The following ZNF44 variants were observed in gnomAD, a reference collection of about 807,000 sequenced individuals.
ZNF44 encodes the protein zinc finger protein 44, also known as gonadotropin inducible transcription repressor-2.
In ZNF44, 9 loss-of-function variants were observed where a neutral mutation model predicts 11.7. That is an observed-to-expected ratio of 0.77 (90% confidence interval 0.46 to 1.35). The LOEUF is 1.35. Ranked by LOEUF, ZNF44 falls within the 40% of genes most tolerant of loss-of-function variation. The pLI is 0.00. For missense variants in ZNF44, 696 were observed against 743.1 expected, an observed-to-expected ratio of 0.94 and a Z score of 0.74; for synonymous variants, 224 against 242.7, an observed-to-expected ratio of 0.92 and a Z score of 0.72.
At chr19:12,264,217 C>A (rs1388621771) in intron 5 of ZNF44, among the ~76,000 whole-genome samples, 1 of 152,236 alleles carries the variant, frequency 6.6e-6, no homozygotes, top group African/African-American at 2.4e-5. Flanking sequence ...TTTTCCAATG[C>A]TCAGTTTCTG....
chr19:12,268,300 G>A (rs1917818532), downstream of ZNF44, among the ~76,000 whole-genome samples: 1 of 152,072 alleles, frequency 6.6e-6, no homozygotes, highest in Admixed American at 6.6e-5. Flanking sequence ...AAAGGTCTCA[G>A]TTCATCTTTC....
intron 5 of ZNF44, among the ~76,000 whole-genome samples, chr19:12,266,459 G>C (rs1260807883): frequency 3.3e-5 from 5 of 152,170 alleles, no homozygotes; most frequent in Non-Finnish European, 7.4e-5. Context: ...GCGTCGCCCC[G>C]CCTGCTGCCC....
chr19:12,282,165 T>C (rs996743588), intron 1 of ZNF44, among the ~76,000 whole-genome samples: 8 of 152,138 alleles, frequency 5.3e-5, no homozygotes, highest in South Asian at 4.1e-4. Flanking sequence ...CTGCTTGATA[T>C]TGGACTTTCA....
downstream of ZNF44, among the ~76,000 whole-genome samples, chr19:12,243,953 T>G (rs1413026969): frequency 6.6e-6 from 1 of 152,150 alleles, no homozygotes; most frequent in Non-Finnish European, 1.5e-5. Context: ...TTTGTATGTC[T>G]TCTTTGAAAA....
Position 12,273,952 on chromosome 19 carries a change from A to G in ZNF44, c.303T>C (p.Asp101=), listed in dbSNP as rs1967099618. ...CTCCATTCACACTGCTTCCACATGC[A>G]TCTACTCTGGCGGGAGTGTTCTTGT... is the stretch of plus-strand genomic sequence containing the variant. ...IVNKNTPARV[D]ACGSSVNGEV... is the part of the protein sequence containing the mutation. Residue 101 remains aspartate (D), a synonymous_variant, in exon 4 of 4, where the codon GAT becomes GAC. Transcript: ENST00000355684. 6.2e-7 allele frequency: 1 copy of G among 1,614,166 alleles called. No individual in the cohort carries two copies. The highest frequency in any genetic ancestry group is 8.5e-7 in the Non-Finnish European group (1 of 1,180,040).
rs760633997 is a variant in ZNF44, at chr19:12,273,093, T to C, written c.1162A>G (p.Thr388Ala). The C allele has an allele frequency of 1.3e-5, 21 of 1,614,062 alleles. No homozygotes were observed. In the African/African-American group the frequency reaches 1.7e-4, roughly 13 times the overall value. ...SSFRRHMMAH[T>A]GDGPHKCTVC... ...GTGCATTTATGAGGGCCATCTCCAG[T>C]GTGTGCCATCATGTGTCTTCGAAAG... The change falls in exon 4 of 4, where the codon ACT becomes GCT. Residue 388 changes from threonine to alanine, a missense_variant. Transcript: ENST00000355684.
At chr19:12,290,798 C>T (rs1355613464) in intron 1 of ZNF44, among the ~76,000 whole-genome samples, 1 of 152,194 alleles carries the variant, frequency 6.6e-6, no homozygotes, top group Admixed American at 6.5e-5. Flanking sequence ...GCAGGGGAGG[C>T]TCCCCAGGAA....
chr19:12,271,037 G>GTGA (rs112180662), downstream of ZNF44, among the ~76,000 whole-genome samples: 31,162 of 151,056 alleles, frequency 0.21, 4,116 homozygotes, highest in African/African-American at 0.39. Flanking sequence ...TCCTCTACAA[G>GTGA]TGATGATGAT....
At chr19:12,264,231 G>A (rs1024415650) in intron 5 of ZNF44, among the ~76,000 whole-genome samples, 112 of 152,338 alleles carry the variant, frequency 7.4e-4, no homozygotes, top group African/African-American at 2.6e-3. Flanking sequence ...GTTTCTGTCA[G>A]TACCAAAGGG....
intron 1 of ZNF44, chr19:12,293,081 G>C (rs1968086648): frequency 1.3e-6 from 1 of 775,600 alleles, no homozygotes; most frequent in Non-Finnish European, 1.9e-6. Context: ...TGTTGGCCAG[G>C]GTGGTCTTGA....
chr19:12,294,828 G>A lies in ZNF44; in HGVS notation c.-134C>T, dbSNP rs1386196424. On this transcript the variant is annotated 5_prime_UTR_variant, in exon 1 of 4. Transcript: ENST00000355684. ...ACGGAACAGAGGTCACCAGGGTGAAGAGGCCACTAGCTCCTGGAACGTCAC... is the reference window on the plus strand; with the variant it reads ...ACGGAACAGAGGTCACCAGGGTGAAAAGGCCACTAGCTCCTGGAACGTCAC... 3.9e-6 allele frequency: 4 copies of A among 1,024,280 alleles called. No homozygotes were observed. Among genetic ancestry groups the A allele is most frequent in the South Asian group, 1.8e-5 (1 of 56,366 alleles). 63.4% of individuals were successfully genotyped at this position (1,024,280 alleles called of 1,614,324 possible).
chr19:12,278,359 T>C (rs189455685), intron 1 of ZNF44, among the ~76,000 whole-genome samples: 172 of 152,336 alleles, frequency 1.1e-3, no homozygotes, highest in African/African-American at 4.0e-3. Context: ...GGTAAAACTC[T>C]GTTTGTGGCT....
At chr19:12,258,991 C>T (rs1568433285) in intron 5 of ZNF44, among the ~76,000 whole-genome samples, 1 of 152,088 alleles carries the variant, frequency 6.6e-6, no homozygotes, top group Non-Finnish European at 1.5e-5. Flanking sequence ...CCTCCCACCT[C>T]AGCCTCCCAA....
downstream of ZNF44, chr19:12,247,467 T>C: frequency 7.5e-7 from 1 of 1,337,882 alleles, no homozygotes; most frequent in Non-Finnish European, 9.9e-7. Flanking sequence ...ATGAATTCGT[T>C]CATGTATATG....
intron 5 of ZNF44, among the ~76,000 whole-genome samples, chr19:12,253,470 G>A (rs1046509365): frequency 5.3e-5 from 8 of 151,960 alleles, no homozygotes; most frequent in Non-Finnish European, 1.2e-4. Context: ...TATTACAGGC[G>A]TGAGCCACTG....
chr19:12,230,432 G>C (rs1416915628), intron 3 of ZNF44: 1 of 152,288 alleles, frequency 6.6e-6, no homozygotes, highest in South Asian at 2.1e-4. Flanking sequence ...CAGATACCAT[G>C]AGAAAGCCAG....
chr19:12,279,429 T>C (rs909459353), intron 1 of ZNF44, among the ~76,000 whole-genome samples: 16 of 152,066 alleles, frequency 1.1e-4, no homozygotes, highest in African/African-American at 3.9e-4. Context: ...GGGGCAAAAA[T>C]CTGATTTCCA....
chr19:12,263,730 C>G (rs9676932), intron 5 of ZNF44, among the ~76,000 whole-genome samples: 37,133 of 151,562 alleles, frequency 0.25, 6,796 homozygotes, highest in African/African-American at 0.52. Context: ...TCGAGACCAT[C>G]CTGGCTAACA....
chr19:12,273,749 T>G lies in ZNF44; in HGVS notation c.506A>C (p.Tyr169Ser). ...CERPHTGKKPYDCKECGKTFS... is the reference protein window; with the variant it reads ...CERPHTGKKPSDCKECGKTFS... ...GGTTTTTCCACATTCCTTACAATCA[T>G]AGGGTTTCTTTCCAGTGTGAGGCCT... Residue 169 changes from tyrosine to serine, a missense_variant, in exon 4 of 4, where the codon TAT (tyrosine) becomes TCT (serine). Coordinates refer to ENST00000355684, the MANE Select transcript of ZNF44 (RefSeq NM_016264.4). The G allele has an allele frequency of 6.2e-7, 1 of 1,614,166 alleles. No individual in the cohort carries two copies. Among genetic ancestry groups the G allele is most frequent in the Non-Finnish European group, 8.5e-7 (1 of 1,180,022 alleles).
Sources: gnomAD v4.1 joint callset for allele counts (sites outside exome capture counted in the v4.1 genomes callset) on GRCh38, gnomAD v4.1.1 for gene constraint, MANE v1.5 for transcripts, NCBI Gene and HGNC (gene_info 2026-07-23, HGNC 2026-07-21) for gene names.